Variants in CAMTA1 observed in about 807,000 individuals in gnomAD.
CAMTA1 encodes the protein calmodulin binding transcription activator 1.
Under a neutral mutation model 170.9 loss-of-function variants are expected in CAMTA1, and 27 were observed. That is an observed-to-expected ratio of 0.16 (90% CI 0.12 to 0.22). The LOEUF is 0.22. CAMTA1 is among the 10% of genes least tolerant of loss of function. CAMTA1 has a pLI of 1.00. For missense variants in CAMTA1, 1,619 were observed against 2,217.2 expected (o/e 0.73, Z 5.42); for synonymous variants, 833 against 891.5 (o/e 0.93, Z 1.17).
chr1:7,379,175 A>G (rs1052377782), intron 5 of CAMTA1, among the ~76,000 whole-genome samples: 4 of 152,246 alleles, frequency 2.6e-5, no homozygotes, highest in Non-Finnish European at 4.4e-5. Flanking sequence ...TATAATGTCA[A>G]TATACTAAGA....
intron 3 of CAMTA1, among the ~76,000 whole-genome samples, chr1:6,840,006 G>A (rs1181416725): frequency 6.6e-6 from 1 of 152,158 alleles, no homozygotes; most frequent in Non-Finnish European, 1.5e-5. Flanking sequence ...TTCAAGACCA[G>A]CGTGACCAAC....
chr1:7,247,994 T>C (rs1159282894), intron 4 of CAMTA1, among the ~76,000 whole-genome samples: 2 of 152,186 alleles, frequency 1.3e-5, no homozygotes, highest in African/African-American at 2.4e-5. Flanking sequence ...CACAAACCAA[T>C]TGTGCCCTGA....
Position 7,146,235 on chromosome 1 carries a change from A to G in CAMTA1, c.302+54864A>G, listed in dbSNP as rs888074701. Among the ~76,000 whole-genome samples, 1 of 152,016 alleles carries G rather than the reference A, an allele frequency of 6.6e-6. No individual in the cohort carries two copies. The highest frequency in any genetic ancestry group is 1.5e-5 in the Non-Finnish European group (1 of 68,008). ...TGCTTGCAACACCCCTCGCAGCAGG[A>G]GCTTGGCAGCCCCTGAACCCGGTGC... On this transcript the variant is annotated intron_variant, in intron 4 of 22. Coordinates refer to ENST00000303635, the MANE Select transcript of CAMTA1 (RefSeq NM_015215.4). This position sits in a 1 kb window ranked among gnomAD's most constrained non-coding sequence, Gnocchi z 4.3.
intron 3 of CAMTA1, among the ~76,000 whole-genome samples, chr1:7,058,452 A>G (rs1026879790): frequency 9.2e-5 from 14 of 151,850 alleles, no homozygotes; most frequent in Admixed American, 5.9e-4. Context: ...ACCAGACGCA[A>G]CTCATTGCTC....
chr1:7,176,283 G>A (rs1023754395), intron 4 of CAMTA1, among the ~76,000 whole-genome samples: 7 of 152,236 alleles, frequency 4.6e-5, no homozygotes, highest in Admixed American at 1.3e-4. Context: ...GAGGAGCAGC[G>A]TGAAGGTGAA....
intron 3 of CAMTA1, among the ~76,000 whole-genome samples, chr1:7,038,303 A>G (rs1413026144): frequency 1.3e-5 from 2 of 152,252 alleles, no homozygotes; most frequent in African/African-American, 4.8e-5. Context: ...TTGTCATTGC[A>G]AAGTAACCTA....
intron 3 of CAMTA1, among the ~76,000 whole-genome samples, chr1:6,858,630 A>G (rs1051615697): frequency 6.6e-6 from 1 of 152,056 alleles, no homozygotes; most frequent in Non-Finnish European, 1.5e-5. Context: ...TATAGTGGGT[A>G]TTTTCATGGG....
intron 5 of CAMTA1, among the ~76,000 whole-genome samples, chr1:7,263,091 T>TG (rs1668408305): frequency 1.3e-5 from 2 of 152,194 alleles, no homozygotes; most frequent in South Asian, 4.1e-4. Context: ...TGGCCGCATT[T>TG]TTTTTTTCCC....
chr1:7,107,124 G>T (rs1464887440), intron 4 of CAMTA1, among the ~76,000 whole-genome samples: 1 of 152,126 alleles, frequency 6.6e-6, no homozygotes, highest in Non-Finnish European at 1.5e-5. Context: ...GCATAGGTTT[G>T]TAGTAGGCAC....
At chr1:6,824,416 A>G (rs1646874783) in intron 2 of CAMTA1, among the ~76,000 whole-genome samples, 1 of 152,174 alleles carries the variant, frequency 6.6e-6, no homozygotes, top group East Asian at 1.9e-4. Context: ...CTAGTCTGAA[A>G]GTAATTATTT....
chr1:7,731,378 C>T (rs1358664755), intron 11 of CAMTA1, among the ~76,000 whole-genome samples: 7 of 151,958 alleles, frequency 4.6e-5, no homozygotes, highest in Admixed American at 4.6e-4. Context: ...TCAAGACCAG[C>T]CTGGCCAACG....
intron 5 of CAMTA1, among the ~76,000 whole-genome samples, chr1:7,331,849 C>T (rs908543298): frequency 1.3e-5 from 2 of 152,142 alleles, no homozygotes; most frequent in Non-Finnish European, 2.9e-5. Context: ...ACATGTCCCT[C>T]GTCCTTCTTA....
At chr1:7,074,539 G>T (rs1313547745) in intron 3 of CAMTA1, among the ~76,000 whole-genome samples, 1 of 152,172 alleles carries the variant, frequency 6.6e-6, no homozygotes, top group Non-Finnish European at 1.5e-5. Flanking sequence ...ACATATTTGA[G>T]ATAATACTGT....
Position 7,745,983 on chromosome 1 carries a change from C to T in CAMTA1, c.4509C>T (p.Thr1503=), listed in dbSNP as rs2096854454. ...ADWSEFLSAS[T]SEKVENEFAQ... ...GGTCAGAATTCCTGAGTGCATCTAC[C>T]AGTGAGAAGGTAGAGAATGAGTTTG... The change falls in exon 18 of 23, where the codon ACC becomes ACT. Residue 1503 remains threonine (T), a synonymous_variant. Transcript: ENST00000303635. 3.1e-6 allele frequency: 5 copies of T among 1,614,182 alleles called. No homozygotes were observed. The highest frequency in any genetic ancestry group is 2.2e-5 in the East Asian group (1 of 44,882).
At chr1:7,289,527 C>T (rs547167836) in intron 5 of CAMTA1, among the ~76,000 whole-genome samples, 7 of 152,328 alleles carry the variant, frequency 4.6e-5, no homozygotes, top group African/African-American at 1.7e-4. Context: ...CTCTCACCTT[C>T]GTGTGTTTGT....
Position 7,335,148 on chromosome 1 carries a change from G to T in CAMTA1, c.438+85522G>T, listed in dbSNP as rs55786511. On this transcript the variant is annotated intron_variant, in intron 5 of 22. Coordinates refer to ENST00000303635, the MANE Select transcript of CAMTA1 (RefSeq NM_015215.4). ...TTTGTGTGTGTGTGTGTGGGGGGGG[G>T]GGGGGGGGGTGGGGGTGGGGGGTGT... Among the ~76,000 whole-genome samples the T allele has an allele frequency of 4.5e-3, 541 of 121,516 alleles. 1 individual carries two copies. The highest frequency in any genetic ancestry group is 0.016 in the Middle Eastern group (4 of 250). 79.7% of individuals were successfully genotyped at this position (121,516 alleles called of 152,430 possible).
At chr1:7,695,102 G>C (rs1163060203) in intron 11 of CAMTA1, among the ~76,000 whole-genome samples, 1 of 152,182 alleles carries the variant, frequency 6.6e-6, no homozygotes, top group Non-Finnish European at 1.5e-5. Flanking sequence ...CTAAAGCCAG[G>C]AGAAACCGGT....
At chr1:7,614,244 A>AG (rs768129899) in intron 6 of CAMTA1, among the ~76,000 whole-genome samples, 6 of 152,044 alleles carry the variant, frequency 3.9e-5, no homozygotes, top group Non-Finnish European at 5.9e-5. Context: ...GGCGGCTGAG[A>AG]GGGGGCTCCT....
rs377697768 is a variant in CAMTA1 at position 6,963,386 on chromosome 1, A to G, written c.235-127918A>G. Among the ~76,000 whole-genome samples, 44 of 145,646 alleles carry G rather than the reference A, an allele frequency of 3.0e-4. No individual in the cohort carries two copies. In the East Asian group the frequency reaches 7.2e-3, roughly 24 times the overall value. On this transcript the variant is annotated intron_variant, in intron 3 of 22. Transcript: ENST00000303635. ...CCCTCTGGAGCCACCCCTCTTTCCA[A>G]TCGGGCCCCACCCTGTTTTCCTGGC...
Sources: allele counts gnomAD v4.1 joint callset (sites outside exome capture counted in the v4.1 genomes callset), GRCh38; gene constraint gnomAD v4.1.1; non-coding constraint Gnocchi (gnomAD v3.1); transcripts MANE v1.5; gene names NCBI Gene and HGNC (gene_info 2026-07-23, HGNC 2026-07-21).